Variants in SCN8A observed in about 807,000 individuals in gnomAD.
SCN8A encodes sodium voltage-gated channel alpha subunit 8, also known as sodium channel protein type 8 subunit alpha.
Under a neutral mutation model 184.1 loss-of-function variants are expected in SCN8A, and 30 were observed. That is an observed-to-expected ratio of 0.16 (90% CI 0.12 to 0.22). SCN8A has a LOEUF of 0.22. SCN8A is among the 10% of genes least tolerant of loss of function. The probability of loss-of-function intolerance (pLI) is 1.00; values close to 1 mark genes in which losing one functional copy is unlikely to be tolerated. For synonymous variants in SCN8A, 852 were observed against 907.0 expected (o/e 0.94, Z 1.09); for missense variants, 1,057 against 2,498.9 (o/e 0.42, Z 12.30).
chr12:51,774,076 A>G (rs564978150), intron 19 of SCN8A, 113 bp from the exon 20 acceptor site: 7 of 753,150 alleles, frequency 9.3e-6, no homozygotes, highest in African/African-American at 1.7e-5. Flanking sequence ...CGAAGGAGAC[A>G]GGGAGCTGAT....
chr12:51,650,493 G>A (rs1940685704), intron 1 of SCN8A, among the ~76,000 whole-genome samples: 1 of 148,446 alleles, frequency 6.7e-6, no homozygotes, highest in Non-Finnish European at 1.5e-5. Context: ...CATGGCGGGA[G>A]GCAAAAGGCA....
chr12:51,746,100 A>G (rs1331329882), intron 13 of SCN8A, 65 bp downstream of exon 13: 2 of 1,439,594 alleles, frequency 1.4e-6, no homozygotes, highest in Non-Finnish European at 1.9e-6. Context: ...TGGTAAATAT[A>G]ATCCCTGTCC....
At chr12:51,646,203 A>T (rs1940586573) in intron 1 of SCN8A, among the ~76,000 whole-genome samples, 1 of 152,072 alleles carries the variant, frequency 6.6e-6, no homozygotes, top group African/African-American at 2.4e-5. Flanking sequence ...CTGAAAAGGA[A>T]TGAAACTGGA....
rs1347892972 is a variant in SCN8A, at chr12:51,794,341, CTT to C, written c.4525-27_4525-26del. 7 of 1,588,874 alleles carry C rather than the reference CTT, an allele frequency of 4.4e-6. No homozygotes were observed. The South Asian group carries it at 8.1e-5, about 18-fold the overall frequency. On this transcript the variant is annotated intron_variant, in intron 25 of 26. Coordinates refer to ENST00000627620, the MANE Select transcript of SCN8A (RefSeq NM_001330260.2). ...TTGGCTTGGAAAGGTTTTCATGAAT[CTT>C]TTATCTTTTCCTTCCCTTCCTCCCC... is the stretch of plus-strand genomic sequence containing the variant.
In SCN8A at chr12:51,807,329, A is replaced by C; in HGVS notation, c.5843A>C (p.Asp1948Ala). Residue 1948 changes from aspartate to alanine, a missense_variant, in exon 27 of 27, where the codon GAC becomes GCC. By Grantham distance (126) the Asp-to-Ala change is moderately radical. Coordinates refer to ENST00000627620, the MANE Select transcript of SCN8A (RefSeq NM_001330260.2). This position sits in a 1 kb window ranked among gnomAD's most constrained non-coding sequence, Gnocchi z 4.5. ...TCTACAGCCTCCCTCCCGTCCTATGACAGTGTAACTAAACCTGAAAAGGAG... is the reference window on the plus strand; with the variant it reads ...TCTACAGCCTCCCTCCCGTCCTATGCCAGTGTAACTAAACCTGAAAAGGAG... ...TPSTASLPSYDSVTKPEKEKQ... is the reference protein window; with the variant it reads ...TPSTASLPSYASVTKPEKEKQ... The C allele has an allele frequency of 6.2e-7, 1 of 1,613,952 alleles. No individual in the cohort carries two copies. The highest frequency in any genetic ancestry group is 8.5e-7 in the Non-Finnish European group (1 of 1,179,848).
At chr12:51,789,904 C>T (rs1938192957) in intron 24 of SCN8A, among the ~76,000 whole-genome samples, 1 of 152,198 alleles carries the variant, frequency 6.6e-6, no homozygotes, top group African/African-American at 2.4e-5. Flanking sequence ...GCTCGTTGCT[C>T]ATTTTGTAAG....
intron 1 of SCN8A, 111 bp from the exon 2 acceptor site, chr12:51,662,653 T>C (rs1940946888): frequency 1.5e-6 from 1 of 658,904 alleles, no homozygotes; most frequent in Non-Finnish European, 2.6e-6. Context: ...GAAGAAACTA[T>C]GTGTTTTTTT....
intron 11 of SCN8A, chr12:51,712,879 A>G: frequency 6.5e-7 from 1 of 1,544,118 alleles, no homozygotes; most frequent in Non-Finnish European, 9.0e-7. Context: ...TCTTCCACCA[A>G]AGTTTCCACC....
intron 12 of SCN8A, among the ~76,000 whole-genome samples, chr12:51,743,231 T>C (rs1942455714): frequency 6.6e-6 from 1 of 152,186 alleles, no homozygotes; most frequent in South Asian, 2.1e-4. Flanking sequence ...TTAGTTCTTT[T>C]GGTGAGGCCA....
At chr12:51,782,494 CA>C (rs1309659544) in intron 21 of SCN8A, among the ~76,000 whole-genome samples, 1 of 152,198 alleles carries the variant, frequency 6.6e-6, no homozygotes, top group Admixed American at 6.5e-5. Context: ...AAGATGCAAC[CA>C]AAAAAGTCCA....
chr12:51,679,431 C>T (rs371351365), intron 2 of SCN8A, among the ~76,000 whole-genome samples: 9 of 152,184 alleles, frequency 5.9e-5, no homozygotes, highest in South Asian at 4.1e-4. Context: ...GAAAATGATA[C>T]GAAATTTAAA....
intron 11 of SCN8A, among the ~76,000 whole-genome samples, chr12:51,716,484 G>A (rs1941966599): frequency 6.6e-6 from 1 of 152,206 alleles, no homozygotes; most frequent in South Asian, 2.1e-4. Flanking sequence ...GATTTCCCCA[G>A]CTGAAAATGG....
At chr12:51,652,405 T>G (rs898369465) in intron 1 of SCN8A, among the ~76,000 whole-genome samples, 1 of 152,220 alleles carries the variant, frequency 6.6e-6, no homozygotes, top group Non-Finnish European at 1.5e-5. Context: ...TCTCATTCTA[T>G]ACACTATAGC....
At chr12:51,656,263 A>G (rs1168264919) in intron 1 of SCN8A, among the ~76,000 whole-genome samples, 19 of 152,224 alleles carry the variant, frequency 1.2e-4, no homozygotes, top group Non-Finnish European at 2.8e-4. Flanking sequence ...ACCACAGGAA[A>G]AAAATGAACC....
chr12:51,657,899 G>T (rs963968993), intron 1 of SCN8A, among the ~76,000 whole-genome samples: 11 of 151,954 alleles, frequency 7.2e-5, no homozygotes, highest in African/African-American at 2.7e-4. Context: ...AATGTTCTTG[G>T]TGCCTTTGTC....
chr12:51,749,714 G>A (rs765287888), intron 13 of SCN8A, among the ~76,000 whole-genome samples: 1 of 152,064 alleles, frequency 6.6e-6, no homozygotes, highest in Non-Finnish European at 1.5e-5. Flanking sequence ...CAGAAACTCA[G>A]CCAAAACCAC....
At chr12:51,666,199 A>G (rs1592365958) in intron 2 of SCN8A, among the ~76,000 whole-genome samples, 1 of 152,240 alleles carries the variant, frequency 6.6e-6, no homozygotes, top group African/African-American at 2.4e-5. Flanking sequence ...GACTTATTTA[A>G]CAAGGTCAGT....
At chr12:51,729,718 T>C (rs1311830023) in intron 12 of SCN8A, among the ~76,000 whole-genome samples, 1 of 152,206 alleles carries the variant, frequency 6.6e-6, no homozygotes, top group Non-Finnish European at 1.5e-5. Context: ...GGTAAATGTA[T>C]GTCTAATTTA....
intron 1 of SCN8A, among the ~76,000 whole-genome samples, chr12:51,617,674 AC>A (rs1006260838): frequency 3.3e-5 from 5 of 152,168 alleles, no homozygotes; most frequent in African/African-American, 9.7e-5. Flanking sequence ...TATCCTGAAC[AC>A]TTTCAAATTG....
Sources: gnomAD v4.1 joint callset for allele counts (sites outside exome capture counted in the v4.1 genomes callset) on GRCh38, gnomAD v4.1.1 for gene constraint, Gnocchi (gnomAD v3.1) non-coding constraint, MANE v1.5 for transcripts, NCBI Gene and HGNC (gene_info 2026-07-23, HGNC 2026-07-21) for gene names.